ICA1: variants seen among roughly 807,000 people sequenced by gnomAD.
ICA1 encodes the protein 69 kDa islet cell autoantigen.
ICA1 carries 40 observed loss-of-function variants against 71.0 expected under a neutral mutation model. That is an observed-to-expected ratio of 0.56 (90% CI 0.44 to 0.73). The LOEUF is 0.73. Among genes scored for constraint, ICA1 ranks in the 30% least tolerant of loss-of-function variants. The probability of loss-of-function intolerance (pLI) is 0.00; values close to 1 mark genes in which losing one functional copy is unlikely to be tolerated. For synonymous variants in ICA1, 207 were observed against 209.5 expected (o/e 0.99, Z 0.10); for missense variants, 578 against 576.5 (o/e 1.00, Z -0.03).
At chr7:8,156,929 TA>T (rs67144473) in intron 8 of ICA1, 186 bp downstream of exon 8, 151 of 1,518,166 alleles carry the variant, frequency 9.9e-5, no homozygotes, top group South Asian at 1.3e-4. Flanking sequence ...CCTGATGCAG[TA>T]AAAAAAAAAA....
At chr7:8,152,567 C>CACAACCACCATCTCCTTCATCACCACT in intron 8 of ICA1, among the ~76,000 whole-genome samples, 1 of 150,310 alleles carries the variant, frequency 6.7e-6, no homozygotes, top group Non-Finnish European at 1.5e-5. Context: ...CCACCACCAC[C>CACAACCACCATCTCCTTCATCACCACT]ACCACCACCA....
intron 13 of ICA1, 50 bp downstream of exon 13, chr7:8,127,823 A>C (rs775720898): frequency 6.5e-6 from 10 of 1,527,594 alleles, no homozygotes; most frequent in African/African-American, 1.4e-5. Context: ...GATTGAAAAC[A>C]AAAAGAATGA....
chr7:8,228,049 G>A (rs1233481036), intron 4 of ICA1, among the ~76,000 whole-genome samples: 1 of 152,038 alleles, frequency 6.6e-6, no homozygotes, highest in Non-Finnish European at 1.5e-5. Flanking sequence ...ACCTACAAAT[G>A]GAAACTTAAA....
intron 3 of ICA1, among the ~76,000 whole-genome samples, chr7:8,231,300 G>C (rs377388896): frequency 5.9e-5 from 9 of 152,136 alleles, no homozygotes; most frequent in East Asian, 5.8e-4. Context: ...GTGTGGGAGA[G>C]AGGAAATGCA....
intron 1 of ICA1, among the ~76,000 whole-genome samples, chr7:8,245,523 C>A (rs929469315): frequency 6.6e-6 from 1 of 151,062 alleles, no homozygotes; most frequent in Non-Finnish European, 1.5e-5. Context: ...TGAGCCTGCA[C>A]GTTGTGCTCA....
At chr7:8,258,914 T>A (rs1314675226) in intron 1 of ICA1, among the ~76,000 whole-genome samples, 3 of 152,184 alleles carry the variant, frequency 2.0e-5, no homozygotes, top group African/African-American at 7.2e-5. Flanking sequence ...GATTATAATA[T>A]CTACTTATCT....
chr7:8,173,315 T>G lies in ICA1; in HGVS notation c.580-14663A>C, dbSNP rs1050110830. 1.3e-5 allele frequency among the ~76,000 whole-genome samples: 2 copies of G among 152,072 alleles called. No homozygotes were observed. Among genetic ancestry groups the G allele is most frequent in the Non-Finnish European group, 2.9e-5 (2 of 68,006 alleles). ...GGACTCAGGAGTCAACCTAAGAGAC[T>G]CCCACTAGCCAAAAATGAGACATTG... On this transcript the variant is annotated intron_variant, in intron 6 of 13. Coordinates refer to ENST00000402384, the MANE Select transcript of ICA1 (RefSeq NM_001136020.3). This position sits in a 1 kb window ranked among gnomAD's most constrained non-coding sequence, Gnocchi z 4.0.
chr7:8,250,070 C>A (rs1038850904), intron 1 of ICA1, among the ~76,000 whole-genome samples: 1 of 152,162 alleles, frequency 6.6e-6, no homozygotes, highest in Non-Finnish European at 1.5e-5. Flanking sequence ...CCTCCACTTG[C>A]CTGATGAACA....
chr7:8,128,255 A>T (rs557770852), intron 12 of ICA1, 113 bp from the exon 13 acceptor site: 1 of 1,062,794 alleles, frequency 9.4e-7, no homozygotes. Flanking sequence ...TTTAAGAAAA[A>T]TGTCATCAAA....
intron 6 of ICA1, among the ~76,000 whole-genome samples, chr7:8,172,515 G>GA (rs1472608205): frequency 1.3e-5 from 2 of 152,016 alleles, no homozygotes; most frequent in Non-Finnish European, 2.9e-5. Context: ...TCTTGCTTTT[G>GA]AAAAAATCCA....
intron 6 of ICA1, among the ~76,000 whole-genome samples, chr7:8,176,413 T>C (rs1215590325): frequency 6.6e-6 from 1 of 152,218 alleles, no homozygotes; most frequent in Admixed American, 6.5e-5. Flanking sequence ...AGCAGCTTCC[T>C]CCTCTCTGCA....
chr7:8,161,039 C>T (rs754577530), intron 6 of ICA1, among the ~76,000 whole-genome samples: 1 of 152,208 alleles, frequency 6.6e-6, no homozygotes, highest in African/African-American at 2.4e-5. Flanking sequence ...AGGCATCTGT[C>T]TTCAGCCTTT....
intron 6 of ICA1, among the ~76,000 whole-genome samples, chr7:8,175,387 A>G (rs138940176): frequency 1.3e-5 from 2 of 152,338 alleles, no homozygotes; most frequent in East Asian, 3.9e-4. Flanking sequence ...TTAAACTCCA[A>G]CAATTCAGTG....
At chr7:8,191,394 G>A (rs1267874354) in intron 6 of ICA1, among the ~76,000 whole-genome samples, 1 of 152,196 alleles carries the variant, frequency 6.6e-6, no homozygotes, top group East Asian at 1.9e-4. Context: ...AGCAGAAACT[G>A]TACTTCAAGT....
At chr7:8,209,260 C>A (rs951905238) in intron 6 of ICA1, among the ~76,000 whole-genome samples, 22 of 152,114 alleles carry the variant, frequency 1.4e-4, no homozygotes, top group African/African-American at 5.3e-4. Context: ...TGTGGTCCTT[C>A]CCCCTCCACA....
At position 8,226,007 on chromosome 7, in the gene ICA1, G is replaced by A. The variant is rs773478525; in HGVS notation, c.256+2594C>T. Among the ~76,000 whole-genome samples, 11 of 151,954 alleles carry A rather than the reference G, an allele frequency of 7.2e-5. No individual in the cohort carries two copies. Among genetic ancestry groups the A allele is most frequent in the Non-Finnish European group, 1.3e-4 (9 of 67,984 alleles). ...AATAATTATGTTCCAAAACTACTGA[G>A]GTTAGTTCTTTTTTTTTCTGATTCT... is the stretch of plus-strand genomic sequence containing the variant. On this transcript the variant is annotated intron_variant, in intron 4 of 13. Coordinates refer to ENST00000402384, the MANE Select transcript of ICA1 (RefSeq NM_001136020.3). This position sits in a 1 kb window ranked among gnomAD's most constrained non-coding sequence, Gnocchi z 4.4.
At chr7:8,187,607 A>C (rs888004314) in intron 6 of ICA1, among the ~76,000 whole-genome samples, 21 of 152,236 alleles carry the variant, frequency 1.4e-4, no homozygotes, top group African/African-American at 5.1e-4. Flanking sequence ...AGCTTACTGT[A>C]ACTTTTTTAC....
chr7:8,242,179 A>G (rs918727207), intron 1 of ICA1, among the ~76,000 whole-genome samples: 29 of 152,226 alleles, frequency 1.9e-4, no homozygotes, highest in Admixed American at 1.4e-3. Flanking sequence ...AGCACTCCTC[A>G]GCAAATGAAA....
chr7:8,126,795 G>A (rs369065644), intron 13 of ICA1, among the ~76,000 whole-genome samples: 8 of 151,898 alleles, frequency 5.3e-5, no homozygotes, highest in African/African-American at 1.5e-4. Context: ...AGGAAAAAGT[G>A]TTGAAATACT....
Sources: gnomAD v4.1 joint callset for allele counts (sites outside exome capture counted in the v4.1 genomes callset) on GRCh38, gnomAD v4.1.1 for gene constraint, Gnocchi (gnomAD v3.1) non-coding constraint, MANE v1.5 for transcripts, NCBI Gene and HGNC (gene_info 2026-07-23, HGNC 2026-07-21) for gene names.